The following STXBP5 variants were observed in gnomAD, a reference collection of about 807,000 sequenced individuals.
The protein encoded by STXBP5 is syntaxin binding protein 5, also known as syntaxin-binding protein 5.
Under a neutral mutation model 152.4 loss-of-function variants are expected in STXBP5, and 50 were observed. The observed-to-expected ratio is 0.33, with a 90% CI of 0.26 to 0.42. The LOEUF (loss-of-function observed/expected upper bound fraction) is 0.42, where lower values mean the gene tolerates loss of function less well. STXBP5 is among the 10% of genes least tolerant of loss of function. The probability of loss-of-function intolerance (pLI) is 1.00; values close to 1 mark genes in which losing one functional copy is unlikely to be tolerated. For missense variants in STXBP5, 1,167 were observed against 1,388.6 expected (o/e 0.84, Z 2.54); for synonymous variants, 492 against 494.7 (o/e 0.99, Z 0.07).
At chr6:147,348,855 G>T (rs973124600) in intron 21 of STXBP5, among the ~76,000 whole-genome samples, 23 of 152,082 alleles carry the variant, frequency 1.5e-4, no homozygotes, top group Admixed American at 5.2e-4. Flanking sequence ...AGAAATGCTT[G>T]TTTTAATAGT....
intron 23 of STXBP5, among the ~76,000 whole-genome samples, chr6:147,359,823 G>A (rs2128411834): frequency 6.6e-6 from 1 of 152,010 alleles, no homozygotes; most frequent in South Asian, 2.1e-4. Context: ...GTATTCCATG[G>A]TGTATATGTG....
At chr6:147,332,290 TGAAA>T (rs1367182352) in intron 18 of STXBP5, among the ~76,000 whole-genome samples, 1 of 152,138 alleles carries the variant, frequency 6.6e-6, no homozygotes, top group Non-Finnish European at 1.5e-5. Flanking sequence ...CATGTCCAAC[TGAAA>T]GAGACACACA....
intron 9 of STXBP5, among the ~76,000 whole-genome samples, chr6:147,307,075 TGAA>T (rs1782131491): frequency 6.6e-6 from 1 of 152,154 alleles, no homozygotes; most frequent in Non-Finnish European, 1.5e-5. Context: ...CACTTTTAAG[TGAA>T]GAAGGCATCA....
intron 26 of STXBP5, among the ~76,000 whole-genome samples, chr6:147,375,719 T>C (rs1197562588): frequency 6.6e-6 from 1 of 151,620 alleles, no homozygotes; most frequent in Non-Finnish European, 1.5e-5. Context: ...ATTCCAATGA[T>C]GTTTTTAAAA....
At chr6:147,322,255 G>A (rs1782974422) in intron 16 of STXBP5, among the ~76,000 whole-genome samples, 1 of 152,194 alleles carries the variant, frequency 6.6e-6, no homozygotes, top group Non-Finnish European at 1.5e-5. Flanking sequence ...GAAATGAAAT[G>A]CCTCAGTTGT....
chr6:147,281,283 C>T (rs1188111793), intron 8 of STXBP5, among the ~76,000 whole-genome samples: 2 of 152,158 alleles, frequency 1.3e-5, no homozygotes, highest in South Asian at 2.1e-4. Flanking sequence ...GTCTCAAACT[C>T]CTGACCTCAG....
intron 26 of STXBP5, among the ~76,000 whole-genome samples, chr6:147,377,380 A>G (rs1180553002): frequency 6.6e-6 from 1 of 152,204 alleles, no homozygotes; most frequent in Non-Finnish European, 1.5e-5. Context: ...CATCTCAAAA[A>G]GTTAGAAAAA....
rs564929069 is a variant in STXBP5 at position 147,324,862 on chromosome 6, T to G, written c.1803-97T>G. 3.2e-5 allele frequency: 35 copies of G among 1,077,896 alleles called. No individual in the cohort carries two copies. In the African/African-American group the frequency reaches 5.8e-4, roughly 18 times the overall value. The allele number at this position is 1,077,896 out of a possible 1,614,324, so 66.8% of individuals were successfully genotyped here. A position where few individuals can be genotyped will look rare whatever the true frequency, so the allele number is the denominator to read the frequency against. ...AACAGGATTCTGATTTTTATATATT[T>G]AAGTATCTAGTATCGTTTCATATAA... is the stretch of plus-strand genomic sequence containing the variant. On this transcript the variant is annotated intron_variant, in intron 16 of 27. Transcript: ENST00000321680.
intron 4 of STXBP5, among the ~76,000 whole-genome samples, chr6:147,259,096 C>A (rs981715581): frequency 6.6e-6 from 1 of 152,068 alleles, no homozygotes; most frequent in Non-Finnish European, 1.5e-5. Flanking sequence ...TACAAATACA[C>A]TCCCATTATT....
chr6:147,239,594 T>G (rs1016916728), intron 4 of STXBP5, among the ~76,000 whole-genome samples: 4 of 152,212 alleles, frequency 2.6e-5, no homozygotes, highest in African/African-American at 9.6e-5. Context: ...TGTATTTACT[T>G]AACATATCCC....
At chr6:147,221,734 G>A (rs1237947460) in intron 2 of STXBP5, among the ~76,000 whole-genome samples, 1 of 149,568 alleles carries the variant, frequency 6.7e-6, no homozygotes, top group East Asian at 2.0e-4. Context: ...ATATGTCTAG[G>A]TGTAGCTTTC....
chr6:147,247,161 A>G (rs1465876913), intron 4 of STXBP5, among the ~76,000 whole-genome samples: 1 of 152,258 alleles, frequency 6.6e-6, no homozygotes, highest in Non-Finnish European at 1.5e-5. Context: ...GAATTAACTA[A>G]TTGCACATGT....
At chr6:147,245,192 G>A (rs768538191) in intron 4 of STXBP5, among the ~76,000 whole-genome samples, 13 of 151,668 alleles carry the variant, frequency 8.6e-5, no homozygotes, top group Non-Finnish European at 1.5e-4. Context: ...TCCAAATACT[G>A]TCACATTCTT....
intron 3 of STXBP5, among the ~76,000 whole-genome samples, chr6:147,236,844 T>G (rs1778299794): frequency 6.7e-6 from 1 of 150,044 alleles, no homozygotes; most frequent in African/African-American, 2.5e-5. Flanking sequence ...AATGGCGTGG[T>G]CTTGACTCAC....
intron 9 of STXBP5, among the ~76,000 whole-genome samples, chr6:147,307,311 TTAAAG>T (rs1432233489): frequency 1.8e-4 from 27 of 152,318 alleles, no homozygotes; most frequent in African/African-American, 3.1e-4. Flanking sequence ...AAAATTCTAC[TTAAAG>T]TAATCAAGTA....
intron 6 of STXBP5, among the ~76,000 whole-genome samples, chr6:147,265,359 C>T (rs766149085): frequency 3.3e-5 from 5 of 151,934 alleles, no homozygotes; most frequent in Admixed American, 6.6e-5. Context: ...GTTTATATCC[C>T]CAGATTACCC....
At chr6:147,229,071 A>G (rs1777870581) in intron 2 of STXBP5, among the ~76,000 whole-genome samples, 1 of 152,082 alleles carries the variant, frequency 6.6e-6, no homozygotes, top group African/African-American at 2.4e-5. Flanking sequence ...GCAGGACAGA[A>G]GGAAGTAAGT....
At position 147,239,155 on chromosome 6, in the gene STXBP5, T is replaced by C; in HGVS notation, c.331-15T>C. The stretch of plus-strand genomic sequence containing the variant: ...AATATATTATACATGAAATGTGTTA[T>C]ACTTGATTTTTAAGGGAGCGCTTGT... On this transcript the variant is annotated splice_polypyrimidine_tract_variant and intron_variant, in intron 3 of 27. Coordinates refer to ENST00000321680, the MANE Select transcript of STXBP5 (RefSeq NM_001127715.4). 1.2e-6 allele frequency: 2 copies of C among 1,606,206 alleles called. No individual in the cohort carries two copies. The highest frequency in any genetic ancestry group is 1.7e-6 in the Non-Finnish European group (2 of 1,174,318).
chr6:147,213,477 T>TGC (rs1554282764), intron 2 of STXBP5, among the ~76,000 whole-genome samples: 1,658 of 131,188 alleles, frequency 0.013, 21 homozygotes, highest in African/African-American at 0.014. Context: ...TGTGTGTGTG[T>TGC]GCGCGCGCAT....
Sources: gnomAD v4.1 joint callset for allele counts (sites outside exome capture counted in the v4.1 genomes callset) on GRCh38, gnomAD v4.1.1 for gene constraint, MANE v1.5 for transcripts, NCBI Gene and HGNC (gene_info 2026-07-23, HGNC 2026-07-21) for gene names.